Variants in CYP19A1 observed in about 807,000 individuals in gnomAD.
The protein encoded by CYP19A1 is cytochrome P450 family 19 subfamily A member 1, also known as aromatase.
CYP19A1 carries 32 observed loss-of-function variants against 44.4 expected under a neutral mutation model. The ratio of observed to expected loss-of-function variants is 0.72; its 90% CI spans 0.54 to 0.97. The LOEUF is 0.97. CYP19A1 is among the 50% of genes least tolerant of loss of function. The pLI is 0.00. For synonymous variants in CYP19A1, 212 were observed against 215.6 expected (o/e 0.98, Z 0.14); for missense variants, 598 against 637.8 (o/e 0.94, Z 0.67).
chr15:51,244,944 T>A (rs2033983769), intron 1 of CYP19A1, among the ~76,000 whole-genome samples: 1 of 152,232 alleles, frequency 6.6e-6, no homozygotes, highest in Admixed American at 6.5e-5. Context: ...GTAAGTTTAT[T>A]TTCACAAAGA....
intron 4 of CYP19A1, among the ~76,000 whole-genome samples, chr15:51,222,901 A>G (rs1016663729): frequency 2.0e-5 from 3 of 152,164 alleles, no homozygotes; most frequent in African/African-American, 7.2e-5. Flanking sequence ...TTTCCCTCCA[A>G]AGATGATTTG....
chr15:51,260,692 C>G (rs778821391), intron 1 of CYP19A1, among the ~76,000 whole-genome samples: 2 of 152,208 alleles, frequency 1.3e-5, no homozygotes, highest in Non-Finnish European at 2.9e-5. Context: ...TAACTCAGCT[C>G]ACACCCGGCC....
intron 1 of CYP19A1, among the ~76,000 whole-genome samples, chr15:51,306,074 T>A (rs926485195): frequency 2.0e-5 from 3 of 152,096 alleles, no homozygotes; most frequent in Non-Finnish European, 4.4e-5. Flanking sequence ...CTCTCCTCCT[T>A]AGGAGAGCAG....
chr15:51,313,690 A>T (rs1342396879), intron 1 of CYP19A1, among the ~76,000 whole-genome samples: 1 of 152,052 alleles, frequency 6.6e-6, no homozygotes, highest in African/African-American at 2.4e-5. Context: ...CCAGCTACTC[A>T]GGAGGCTGAG....
chr15:51,221,436 T>C (rs1034663924), intron 5 of CYP19A1: 7 of 152,198 alleles, frequency 4.6e-5, no homozygotes, highest in African/African-American at 1.7e-4. Context: ...AGTGTGTGGA[T>C]AAAGGTCACA....
chr15:51,309,977 A>G (rs1197409743), intron 1 of CYP19A1, among the ~76,000 whole-genome samples: 1 of 152,184 alleles, frequency 6.6e-6, no homozygotes, highest in Non-Finnish European at 1.5e-5. Context: ...TTAAGTGTCT[A>G]CCCAAATAAG....
intron 1 of CYP19A1, among the ~76,000 whole-genome samples, chr15:51,289,721 G>T (rs1884592307): frequency 6.6e-6 from 1 of 152,198 alleles, no homozygotes; most frequent in Non-Finnish European, 1.5e-5. Context: ...ATTTGCGTTT[G>T]AAGCCTGTTT....
chr15:51,242,783 T>C lies in CYP19A1; in HGVS notation c.130A>G (p.Thr44Ala), dbSNP rs1228751227. Residue 44 changes from threonine (T) to alanine (A), a missense_variant, in exon 2 of 10, where the codon ACA becomes GCA. Transcript: ENST00000396402. ...LFLLVWNYEGTSSIPGPGYCM... is the reference protein window; with the variant it reads ...LFLLVWNYEGASSIPGPGYCM... The stretch of plus-strand genomic sequence containing the variant: ...ACTGACTTACCTGGTATTGAGGATG[T>C]GCCCTCATAATTCCACACCAAGAGA... 1 of 1,566,570 alleles carries C rather than the reference T, an allele frequency of 6.4e-7. No homozygotes were observed. Among genetic ancestry groups the C allele is most frequent in the Middle Eastern group, 1.7e-4 (1 of 5,974 alleles).
chr15:51,313,057 A>T (rs2036345994), intron 1 of CYP19A1: 1 of 152,186 alleles, frequency 6.6e-6, no homozygotes. Context: ...GCTGGAGGTC[A>T]TCTTCCCTCC....
At chr15:51,292,650 G>T (rs145072321) in intron 1 of CYP19A1, among the ~76,000 whole-genome samples, 9 of 152,248 alleles carry the variant, frequency 5.9e-5, no homozygotes, top group African/African-American at 2.2e-4. Flanking sequence ...CTTGCACGGG[G>T]GCCAAGGGAG....
chr15:51,278,825 TTC>T (rs2035418108), intron 1 of CYP19A1: 1 of 152,184 alleles, frequency 6.6e-6, no homozygotes, highest in Non-Finnish European at 1.5e-5. Flanking sequence ...AGAGGAGCCT[TTC>T]TCTCTTTTCC....
chr15:51,225,588 C>T (rs74481712), intron 4 of CYP19A1, among the ~76,000 whole-genome samples: 5 of 152,216 alleles, frequency 3.3e-5, no homozygotes, highest in South Asian at 2.1e-4. Context: ...AAGTCCTATA[C>T]GTTTTCCATT....
At chr15:51,262,619 T>G (rs1187359181) in intron 1 of CYP19A1, among the ~76,000 whole-genome samples, 1 of 152,234 alleles carries the variant, frequency 6.6e-6, no homozygotes, top group African/African-American at 2.4e-5. Context: ...ACTTGAGGCC[T>G]CCTCACTCCC....
chr15:51,250,197 TA>T (rs2034251426), intron 1 of CYP19A1, among the ~76,000 whole-genome samples: 1 of 152,166 alleles, frequency 6.6e-6, no homozygotes, highest in Non-Finnish European at 1.5e-5. Flanking sequence ...GTATGAAAGG[TA>T]CCTGCTGCTA....
intron 2 of CYP19A1, among the ~76,000 whole-genome samples, chr15:51,237,544 G>A (rs2033484930): frequency 6.6e-6 from 1 of 152,184 alleles, no homozygotes. Flanking sequence ...TCCAATCCAA[G>A]AACATCTATT....
intron 8 of CYP19A1, among the ~76,000 whole-genome samples, chr15:51,213,669 G>A (rs927268775): frequency 6.6e-6 from 1 of 152,216 alleles, no homozygotes; most frequent in African/African-American, 2.4e-5. Context: ...CATCTTTGCA[G>A]AGGCCTTTTG....
intron 1 of CYP19A1, among the ~76,000 whole-genome samples, chr15:51,259,449 C>T (rs2034635097): frequency 6.6e-6 from 1 of 152,184 alleles, no homozygotes; most frequent in Non-Finnish European, 1.5e-5. Flanking sequence ...TCGGACACTG[C>T]ACCTAGCTTC....
At chr15:51,231,274 A>G (rs753746096) in intron 3 of CYP19A1, among the ~76,000 whole-genome samples, 1 of 152,206 alleles carries the variant, frequency 6.6e-6, no homozygotes, top group African/African-American at 2.4e-5. Context: ...TGAATATAGT[A>G]AATGACACCC....
rs937123340 is a variant in CYP19A1, at chr15:51,215,057, G to T, written c.1021+13C>A. 1 of 1,608,754 alleles carries T rather than the reference G, an allele frequency of 6.2e-7. No individual in the cohort carries two copies. The highest frequency in any genetic ancestry group is 1.1e-5 in the South Asian group (1 of 90,372). ...TGTTTTTAAGATGTATTATTTATTT[G>T]ATAAATTCTTACCAATAACAGTCTG... On this transcript the variant is annotated intron_variant, in intron 8 of 9. Coordinates refer to ENST00000396402, the MANE Select transcript of CYP19A1 (RefSeq NM_000103.4).
Sources: allele counts gnomAD v4.1 joint callset (sites outside exome capture counted in the v4.1 genomes callset), GRCh38; gene constraint gnomAD v4.1.1; transcripts MANE v1.5; gene names NCBI Gene and HGNC (gene_info 2026-07-23, HGNC 2026-07-21).